UQCRB: variants seen among roughly 807,000 people sequenced by gnomAD.
The protein encoded by UQCRB is ubiquinol-cytochrome c reductase binding protein.
A neutral mutation model predicts 19.8 loss-of-function variants in UQCRB; 12 were observed. The observed-to-expected ratio is 0.61, with a 90% CI of 0.39 to 0.98. The LOEUF (loss-of-function observed/expected upper bound fraction) is 0.98, where lower values mean the gene tolerates loss of function less well. Ranked by LOEUF, UQCRB falls within the 50% of genes least tolerant of loss-of-function variation. UQCRB has a pLI of 0.00. For synonymous variants in UQCRB, 39 were observed against 42.9 expected, an observed-to-expected ratio of 0.91 and a Z score of 0.35; for missense variants, 142 against 131.8, an observed-to-expected ratio of 1.08 and a Z score of -0.38.
At position 96,224,639 on chromosome 8, in the gene UQCRB, C is replaced by T. The variant is rs567948478; in HGVS notation, c.*6416G>A. On this transcript the variant is annotated 3_prime_UTR_variant, in exon 4 of 4. Coordinates refer to ENST00000287022, the MANE Select transcript of UQCRB (RefSeq NM_006294.5). ...CCCCTCCGGACCTCTCTCTTTTACC[C>T]TTCCTCACATCCACCTCTTACACAT... Among the ~76,000 whole-genome samples the T allele has an allele frequency of 6.6e-6, 1 of 152,174 alleles. No individual in the cohort carries two copies. Among genetic ancestry groups the T allele is most frequent in the African/African-American group, 2.4e-5 (1 of 41,448 alleles).
In UQCRB at chr8:96,233,221, G is replaced by A. The variant is rs775129767; in HGVS notation, c.26C>T (p.Ala9Val). The change falls in exon 2 of 4, where the codon GCA (alanine) becomes GTA (valine). Residue 9 changes from alanine to valine, a missense_variant. Ala to Val is a moderately conservative substitution (Grantham distance 64, BLOSUM62 0). Around this residue, in one of 2 missense-constraint regions of UQCRB, gnomAD observed 132 missense variants for 107.5 expected, o/e 1.23. Coordinates refer to ENST00000287022, the MANE Select transcript of UQCRB (RefSeq NM_006294.5). Reference protein sequence around the residue: MAGKQAVSASGKWLDGIRK... With the variant: MAGKQAVSVSGKWLDGIRK... ...AATACCATCCAGCCACTTGCCTGAT[G>A]CTGAAACTGATAATTGTCACACTGT... 1 of 1,613,606 alleles carries A rather than the reference G, an allele frequency of 6.2e-7. No homozygotes were observed. Among genetic ancestry groups the A allele is most frequent in the Admixed American group, 1.7e-5 (1 of 60,018 alleles).
At chr8:96,235,124 T>C (rs1563539862) in intron 1 of UQCRB, 1 of 353,228 alleles carries the variant, frequency 2.8e-6, no homozygotes, top group Non-Finnish European at 5.4e-6. Flanking sequence ...ATAGGGCCAA[T>C]GCACACGATA....
rs1435500902 is a variant in UQCRB at position 96,223,303 on chromosome 8, A to T, written c.*7752T>A. Among the ~76,000 whole-genome samples, 2 of 152,200 alleles carry T rather than the reference A, an allele frequency of 1.3e-5. No homozygotes were observed. The highest frequency in any genetic ancestry group is 3.9e-4 in the East Asian group (2 of 5,192). On this transcript the variant is annotated 3_prime_UTR_variant, in exon 4 of 4. Transcript: ENST00000287022. ...ATGCTGTACACCTTAAATAAAAAAG[A>T]AAAGACAACATAGCAATTTCAAGGA... is the stretch of plus-strand genomic sequence containing the variant.
rs1366681385 is a variant in UQCRB at position 96,229,415 on chromosome 8, C to A, written c.*1640G>T. On this transcript the variant is annotated 3_prime_UTR_variant, in exon 4 of 4. Coordinates refer to ENST00000287022, the MANE Select transcript of UQCRB (RefSeq NM_006294.5). ...CCCTCCACCCACCCGGCTCCCTACA[C>A]ACCTTGACAGTGCTCTTTGAGATGC... 1 of 454,136 alleles carries A rather than the reference C, an allele frequency of 2.2e-6. No homozygotes were observed. Among genetic ancestry groups the A allele is most frequent in the East Asian group, 6.9e-5 (1 of 14,394 alleles). 28.1% of individuals were successfully genotyped at this position (454,136 alleles called of 1,614,324 possible).
Position 96,229,466 on chromosome 8 carries a change from T to C in UQCRB, c.*1589A>G. 2.2e-6 allele frequency: 1 copy of C among 454,146 alleles called. No homozygotes were observed. The highest frequency in any genetic ancestry group is 1.6e-5 in the South Asian group (1 of 64,478). 28.1% of individuals were successfully genotyped at this position (454,146 alleles called of 1,614,324 possible). Reference sequence around the variant, plus strand: ...CTCAGTTGTAGTCTCCTTGTAATTGTGCACAGTAGACGTCTGAACGAATAG... The same window carrying C: ...CTCAGTTGTAGTCTCCTTGTAATTGCGCACAGTAGACGTCTGAACGAATAG... On this transcript the variant is annotated 3_prime_UTR_variant, in exon 4 of 4. Coordinates refer to ENST00000287022, the MANE Select transcript of UQCRB (RefSeq NM_006294.5).
At position 96,225,198 on chromosome 8, in the gene UQCRB, TAAC is replaced by T. The variant is rs1809506528; in HGVS notation, c.*5854_*5856del. On this transcript the variant is annotated 3_prime_UTR_variant, in exon 4 of 4. Coordinates refer to ENST00000287022, the MANE Select transcript of UQCRB (RefSeq NM_006294.5). ...ATGAACAAGATTGATGAAAGAGAAA[TAAC>T]AACTTGATAATAGCATATGGAAAAA... Among the ~76,000 whole-genome samples, 1 of 151,688 alleles carries T rather than the reference TAAC, an allele frequency of 6.6e-6. No individual in the cohort carries two copies. Among genetic ancestry groups the T allele is most frequent in the South Asian group, 2.1e-4 (1 of 4,808 alleles).
At chr8:96,234,811 CTTGTACCGCCAGAGGGCAGAGA>C (rs1229993867) in intron 1 of UQCRB, 3 of 191,544 alleles carry the variant, frequency 1.6e-5, no homozygotes, top group African/African-American at 2.5e-5. Context: ...GCTACTCCAA[CTTGTACCGCCAGAGGGCAGAGA>C]TTAGCAAAAA....
At chr8:96,231,599 G>T in intron 3 of UQCRB, 175 bp downstream of exon 3, 1 of 1,324,062 alleles carries the variant, frequency 7.6e-7, no homozygotes, top group Non-Finnish European at 1.1e-6. Flanking sequence ...CATTTCACAC[G>T]TAAGACTCAA....
rs1477904267 is a variant in UQCRB at position 96,223,230 on chromosome 8, G to A, written c.*7825C>T. Reference sequence around the variant, plus strand: ...ATCGTGGTAATGGATATTTTAATTTGCTTGCCTGTAGTAATCATTTCACTA... The same window carrying A: ...ATCGTGGTAATGGATATTTTAATTTACTTGCCTGTAGTAATCATTTCACTA... On this transcript the variant is annotated 3_prime_UTR_variant, in exon 4 of 4. Transcript: ENST00000287022. 6.6e-6 allele frequency among the ~76,000 whole-genome samples: 1 copy of A among 152,268 alleles called. No individual in the cohort carries two copies. The highest frequency in any genetic ancestry group is 3.4e-3 in the Middle Eastern group (1 of 294).
chr8:96,225,057 T>G lies in UQCRB; in HGVS notation c.*5998A>C, dbSNP rs772778902. Among the ~76,000 whole-genome samples, 23 of 152,098 alleles carry G rather than the reference T, an allele frequency of 1.5e-4. No individual in the cohort carries two copies. Among genetic ancestry groups the G allele is most frequent in the Non-Finnish European group, 2.6e-4 (18 of 67,988 alleles). Reference sequence around the variant, plus strand: ...ACTATCTAAACATATAAAGGTCTCATACAAATAGATAAGAACTGACCCAGG... The same window carrying G: ...ACTATCTAAACATATAAAGGTCTCAGACAAATAGATAAGAACTGACCCAGG... On this transcript the variant is annotated 3_prime_UTR_variant, in exon 4 of 4. Transcript: ENST00000287022.
intron 1 of UQCRB, chr8:96,235,082 A>G (rs1330554090): frequency 7.0e-6 from 2 of 285,798 alleles, no homozygotes; most frequent in South Asian, 6.9e-5. Flanking sequence ...AGGGAAATTA[A>G]TATCTCCCTC....
At chr8:96,232,307 C>T in intron 2 of UQCRB, 1 of 228,890 alleles carries the variant, frequency 4.4e-6, no homozygotes, top group African/African-American at 2.3e-5. Flanking sequence ...AACCACATCT[C>T]TTTTTTCTCA....
At chr8:96,235,387 G>T in intron 1 of UQCRB, 125 bp downstream of exon 1, 1 of 1,373,336 alleles carries the variant, frequency 7.3e-7, no homozygotes, top group Non-Finnish European at 1.0e-6. Flanking sequence ...CTGGACTGAA[G>T]CAGCCAATTT....
rs374444239 is a variant in UQCRB at position 96,230,672 on chromosome 8, G to A, written c.*383C>T. 2.1e-5 allele frequency: 10 copies of A among 466,258 alleles called. No homozygotes were observed. The highest frequency in any genetic ancestry group is 6.6e-4 in the Middle Eastern group (1 of 1,518). 28.9% of individuals were successfully genotyped at this position (466,258 alleles called of 1,614,324 possible). A position where few individuals can be genotyped will look rare whatever the true frequency, so the allele number is the denominator to read the frequency against. ...AAATCTGTTTGCATACCAGTGAAGA[G>A]GCTATTTCTCAATCTTGGCAAACTA... is the stretch of plus-strand genomic sequence containing the variant. On this transcript the variant is annotated 3_prime_UTR_variant, in exon 4 of 4. Transcript: ENST00000287022.
chr8:96,229,557 GA>G lies in UQCRB; in HGVS notation c.*1497del. On this transcript the variant is annotated 3_prime_UTR_variant, in exon 4 of 4. Coordinates refer to ENST00000287022, the MANE Select transcript of UQCRB (RefSeq NM_006294.5). ...AGAGCCTTTGCAGAGATCTACTCAG[GA>G]AAATTTTCTGAATAGACAAATGCTT... 4.4e-6 allele frequency: 2 copies of G among 454,052 alleles called. No individual in the cohort carries two copies. The highest frequency in any genetic ancestry group is 4.4e-6 in the Non-Finnish European group (1 of 226,780). 28.1% of individuals were successfully genotyped at this position (454,052 alleles called of 1,614,324 possible). A position where few individuals can be genotyped will look rare whatever the true frequency, so the allele number is the denominator to read the frequency against.
intron 3 of UQCRB, 85 bp downstream of exon 3, chr8:96,231,689 A>C (rs1239039021): frequency 5.1e-6 from 8 of 1,572,426 alleles, no homozygotes; most frequent in Non-Finnish European, 6.1e-6. Flanking sequence ...GAGAACTCTA[A>C]CACTATGCAA....
At chr8:96,233,891 A>G (rs548160279) in intron 1 of UQCRB, 1 of 152,850 alleles carries the variant, frequency 6.5e-6, no homozygotes, top group Admixed American at 6.5e-5. Flanking sequence ...ACCTCCTCCT[A>G]AGCAACTAAG....
intron 1 of UQCRB, chr8:96,234,377 T>G: frequency 1.8e-6 from 1 of 561,498 alleles, no homozygotes; most frequent in Non-Finnish European, 2.9e-6. Context: ...CAACATTAGC[T>G]GATTTATTTA....
In UQCRB at chr8:96,231,019, T is replaced by A. The variant is rs1480898127; in HGVS notation, c.*36A>T. ...TTGTTTGTTTCAAGTTTAACCATCT[T>A]CATAACAGCTGCATCCACAGACTTC... On this transcript the variant is annotated 3_prime_UTR_variant, in exon 4 of 4. Coordinates refer to ENST00000287022, the MANE Select transcript of UQCRB (RefSeq NM_006294.5). 1.3e-6 allele frequency: 2 copies of A among 1,590,536 alleles called. No homozygotes were observed. Among genetic ancestry groups the A allele is most frequent in the African/African-American group, 2.7e-5 (2 of 74,372 alleles).
Sources: allele counts gnomAD v4.1 joint callset (sites outside exome capture counted in the v4.1 genomes callset), GRCh38; gene constraint gnomAD v4.1.1; regional missense constraint gnomAD v4.1.1; transcripts MANE v1.5; gene names NCBI Gene and HGNC (gene_info 2026-07-23, HGNC 2026-07-21).